Variants in TMEM232 observed in about 807,000 individuals in gnomAD.
The protein encoded by TMEM232 is transmembrane protein 232.
Under a neutral mutation model 78.8 loss-of-function variants are expected in TMEM232, and 80 were observed. The observed-to-expected ratio is 1.01, with a 90% CI of 0.85 to 1.22. TMEM232 has a LOEUF of 1.22. Ranked by LOEUF, TMEM232 falls within the 50% of genes most tolerant of loss-of-function variation. The probability of loss-of-function intolerance (pLI) is 0.00; values close to 1 mark genes in which losing one functional copy is unlikely to be tolerated. For missense variants in TMEM232, 881 were observed against 742.2 expected, an observed-to-expected ratio of 1.19 and a Z score of -2.17; for synonymous variants, 297 against 254.3, an observed-to-expected ratio of 1.17 and a Z score of -1.60.
At chr5:110,467,062 A>G (rs1425212020) in intron 12 of TMEM232, among the ~76,000 whole-genome samples, 7 of 152,150 alleles carry the variant, frequency 4.6e-5, no homozygotes, top group Non-Finnish European at 1.0e-4. Flanking sequence ...AAATATATAT[A>G]TTATGGTTAT....
chr5:110,428,046 T>A (rs2112658709), intron 12 of TMEM232, among the ~76,000 whole-genome samples: 1 of 152,012 alleles, frequency 6.6e-6, no homozygotes, highest in South Asian at 2.1e-4. Context: ...TATTGTTAAC[T>A]ATAGTCACTC....
At chr5:110,429,377 A>G (rs1293999313) in intron 12 of TMEM232, among the ~76,000 whole-genome samples, 1 of 151,792 alleles carries the variant, frequency 6.6e-6, no homozygotes, top group Non-Finnish European at 1.5e-5. Context: ...GTGCAAAGAT[A>G]TTTACAAGAA....
At chr5:110,479,608 ATCAT>A (rs1763643211) in intron 12 of TMEM232, among the ~76,000 whole-genome samples, 1 of 151,808 alleles carries the variant, frequency 6.6e-6, no homozygotes. Context: ...TTATAGTCTG[ATCAT>A]TCTCATTTTA....
At chr5:110,505,137 T>C (rs911768070) in intron 12 of TMEM232, among the ~76,000 whole-genome samples, 2 of 152,220 alleles carry the variant, frequency 1.3e-5, no homozygotes, top group African/African-American at 4.8e-5. Flanking sequence ...CTAACTCTGA[T>C]TCCCAGCTCC....
intron 5 of TMEM232, among the ~76,000 whole-genome samples, chr5:110,628,525 A>C (rs1248441144): frequency 6.6e-6 from 1 of 152,130 alleles, no homozygotes; most frequent in Non-Finnish European, 1.5e-5. Context: ...CAGACTACAT[A>C]AAATGGAATG....
chr5:110,677,128 T>C (rs1792124911), intron 1 of TMEM232, among the ~76,000 whole-genome samples: 1 of 152,178 alleles, frequency 6.6e-6, no homozygotes, highest in African/African-American at 2.4e-5. Flanking sequence ...CAATTTGCAT[T>C]TCTCTGACGA....
chr5:110,672,073 TAAAACTGG>T (rs1375256502), intron 1 of TMEM232, among the ~76,000 whole-genome samples: 1 of 152,188 alleles, frequency 6.6e-6, no homozygotes, highest in Non-Finnish European at 1.5e-5. Context: ...AATTGAAGGC[TAAAACTGG>T]TTTTCATGTA....
chr5:110,615,826 A>T (rs1782854006), intron 8 of TMEM232, among the ~76,000 whole-genome samples: 1 of 152,018 alleles, frequency 6.6e-6, no homozygotes, highest in South Asian at 2.1e-4. Flanking sequence ...CAACATATTA[A>T]AATCAATAGC....
At chr5:110,527,309 T>A (rs977421337) in intron 12 of TMEM232, among the ~76,000 whole-genome samples, 4 of 151,890 alleles carry the variant, frequency 2.6e-5, no homozygotes, top group Non-Finnish European at 5.9e-5. Context: ...AAAGGATAAG[T>A]GAGTTTACAT....
chr5:110,516,117 T>C (rs1270012091), intron 12 of TMEM232, among the ~76,000 whole-genome samples: 1 of 152,046 alleles, frequency 6.6e-6, no homozygotes, highest in East Asian at 1.9e-4. Context: ...CAGGCACCTG[T>C]AGTCCCAGCT....
intron 2 of TMEM232, among the ~76,000 whole-genome samples, chr5:110,411,282 A>G (rs1755987205): frequency 6.6e-6 from 1 of 152,076 alleles, no homozygotes; most frequent in Non-Finnish European, 1.5e-5. Context: ...TCTCTCCCAT[A>G]CCAATATTTT....
intron 1 of TMEM232, among the ~76,000 whole-genome samples, chr5:110,668,758 C>T (rs553588094): frequency 7.9e-5 from 12 of 152,232 alleles, no homozygotes; most frequent in African/African-American, 2.2e-4. Context: ...TGTAAAAGAA[C>T]AGAAATTATA....
chr5:110,437,374 C>T (rs1758555271), intron 12 of TMEM232, among the ~76,000 whole-genome samples: 1 of 150,816 alleles, frequency 6.6e-6, no homozygotes, highest in South Asian at 2.1e-4. Context: ...ATATTCAAAA[C>T]AATATAAAAA....
intron 2 of TMEM232, among the ~76,000 whole-genome samples, chr5:110,659,659 T>C (rs949019324): frequency 7.2e-5 from 11 of 152,072 alleles, no homozygotes; most frequent in Non-Finnish European, 1.5e-4. Flanking sequence ...CAGACACATA[T>C]TATAAAATTA....
chr5:110,513,502 T>C (rs190902163), intron 12 of TMEM232, among the ~76,000 whole-genome samples: 2 of 151,934 alleles, frequency 1.3e-5, no homozygotes, highest in African/African-American at 4.8e-5. Context: ...AAAACCCAAG[T>C]AACCCAAGTA....
chr5:110,670,210 C>T (rs1791172877), intron 1 of TMEM232, among the ~76,000 whole-genome samples: 1 of 152,152 alleles, frequency 6.6e-6, no homozygotes, highest in Non-Finnish European at 1.5e-5. Context: ...TTGCAGATGA[C>T]ATGATTGTAT....
chr5:110,704,666 G>A (rs1440564154), intron 1 of TMEM232, among the ~76,000 whole-genome samples: 1 of 151,962 alleles, frequency 6.6e-6, no homozygotes, highest in East Asian at 1.9e-4. Context: ...AAACCCTGAT[G>A]TCAAGTTTTT....
rs1320744398 is a variant in TMEM232, at chr5:110,605,241, A to G, written c.1144T>C (p.Leu382=). 6.4e-7 allele frequency: 1 copy of G among 1,551,238 alleles called. No individual in the cohort carries two copies. The highest frequency in any genetic ancestry group is 2.0e-5 in the Admixed American group (1 of 50,990). ...AATSDLRKTA[L]IGFCHCKSSQ... is the part of the protein sequence containing the mutation. Reference sequence around the variant, plus strand: ...CTTTTACAGTGACAGAAACCAATTAAAGCAGTTTTTCGCAAATCAGAAGTG... The same window carrying G: ...CTTTTACAGTGACAGAAACCAATTAGAGCAGTTTTTCGCAAATCAGAAGTG... Residue 382 remains leucine, a synonymous_variant, in exon 10 of 14, where the codon TTA becomes CTA. Transcript: ENST00000455884.
chr5:110,724,267 T>G (rs1233014942), intron 1 of TMEM232, among the ~76,000 whole-genome samples: 2 of 152,184 alleles, frequency 1.3e-5, no homozygotes, highest in Non-Finnish European at 2.9e-5. Context: ...CTGGAGTTGA[T>G]GCCATCCATC....
Sources: gnomAD v4.1 joint callset for allele counts (sites outside exome capture counted in the v4.1 genomes callset) on GRCh38, gnomAD v4.1.1 for gene constraint, MANE v1.5 for transcripts, NCBI Gene and HGNC (gene_info 2026-07-23, HGNC 2026-07-21) for gene names.